Variants in TFDP2 observed in about 807,000 individuals in gnomAD.
The protein encoded by TFDP2 is transcription factor Dp-2, also known as transcription factor Dp-2 (E2F dimerization partner 2).
A neutral mutation model predicts 59.3 loss-of-function variants in TFDP2; 17 were observed. That is an observed-to-expected ratio of 0.29 (90% CI 0.20 to 0.43). TFDP2 has a LOEUF of 0.43. Among genes scored for constraint, TFDP2 ranks in the 20% least tolerant of loss-of-function variants. The pLI, the probability that TFDP2 is intolerant of heterozygous loss-of-function variation, is 1.00. For missense variants in TFDP2, 391 were observed against 528.8 expected, an observed-to-expected ratio of 0.74 and a Z score of 2.56; for synonymous variants, 180 against 194.7, an observed-to-expected ratio of 0.92 and a Z score of 0.63.
chr3:142,052,069 T>G (rs1947658275), intron 3 of TFDP2, among the ~76,000 whole-genome samples: 1 of 152,032 alleles, frequency 6.6e-6, no homozygotes, highest in Non-Finnish European at 1.5e-5. Flanking sequence ...AAGGCTTCAG[T>G]GAGCTGTGAC....
chr3:141,965,771 A>G (rs1401620139), intron 9 of TFDP2, among the ~76,000 whole-genome samples: 1 of 152,032 alleles, frequency 6.6e-6, no homozygotes, highest in Non-Finnish European at 1.5e-5. Flanking sequence ...ATCACTATCA[A>G]TAACTAGCAC....
At chr3:142,073,650 C>T (rs902730347) in intron 3 of TFDP2, among the ~76,000 whole-genome samples, 3 of 151,940 alleles carry the variant, frequency 2.0e-5, no homozygotes, top group South Asian at 2.1e-4. Flanking sequence ...TGGAAGTAGA[C>T]GTCAAGTTGA....
intron 11 of TFDP2, among the ~76,000 whole-genome samples, chr3:141,957,767 C>T (rs1272293096): frequency 6.6e-6 from 1 of 152,130 alleles, no homozygotes; most frequent in South Asian, 2.1e-4. Flanking sequence ...CTAGAATAGG[C>T]AAATCCATAG....
rs1023009060 is a variant in TFDP2, at chr3:141,968,050, G to A, written c.732+2023C>T. Reference sequence around the variant, plus strand: ...ACAGGGTTTGGGGCATGAGCTCTTAGGGGATACTGCAGATAACTGTGCAGG... The same window carrying A: ...ACAGGGTTTGGGGCATGAGCTCTTAAGGGATACTGCAGATAACTGTGCAGG... On this transcript the variant is annotated intron_variant, in intron 9 of 12. Transcript: ENST00000489671. Among the ~76,000 whole-genome samples, 8 of 151,806 alleles carry A rather than the reference G, an allele frequency of 5.3e-5. No homozygotes were observed. In the East Asian group the frequency reaches 1.4e-3, roughly 26 times the overall value.
At chr3:141,973,550 T>C (rs1333375120) in intron 8 of TFDP2, among the ~76,000 whole-genome samples, 3 of 152,228 alleles carry the variant, frequency 2.0e-5, no homozygotes, top group African/African-American at 7.2e-5. Context: ...TCCAAAATTC[T>C]ATCCATTCTG....
intron 3 of TFDP2, among the ~76,000 whole-genome samples, chr3:142,078,719 A>G (rs1204923521): frequency 6.6e-6 from 1 of 152,174 alleles, no homozygotes; most frequent in Non-Finnish European, 1.5e-5. Context: ...CAATAAATAT[A>G]TAACTCGTCA....
chr3:142,109,506 T>C (rs1335169058), intron 1 of TFDP2, among the ~76,000 whole-genome samples: 1 of 152,098 alleles, frequency 6.6e-6, no homozygotes, highest in Non-Finnish European at 1.5e-5. Context: ...TTTTGTATTT[T>C]TAGTAGAGAT....
At chr3:142,012,376 A>G (rs1275344454) in intron 3 of TFDP2, among the ~76,000 whole-genome samples, 4 of 152,200 alleles carry the variant, frequency 2.6e-5, no homozygotes, top group African/African-American at 9.7e-5. Context: ...CCTAAGTGGC[A>G]AGCTAATGTC....
chr3:141,994,874 T>A (rs1017572731), intron 5 of TFDP2, 146 bp downstream of exon 5: 16 of 600,496 alleles, frequency 2.7e-5, no homozygotes, highest in Non-Finnish European at 4.0e-5. Context: ...ATCTAAGATA[T>A]AAAGTGAAAT....
At chr3:141,978,792 T>A in intron 6 of TFDP2, 110 bp from the exon 7 acceptor site, 1 of 834,670 alleles carries the variant, frequency 1.2e-6, no homozygotes, top group Non-Finnish European at 1.7e-6. Context: ...ACTTCAAGTG[T>A]CAAAAATTTA....
intron 1 of TFDP2, among the ~76,000 whole-genome samples, chr3:142,115,774 A>G (rs1483515468): frequency 6.6e-6 from 1 of 152,224 alleles, no homozygotes; most frequent in Non-Finnish European, 1.5e-5. Context: ...TAAATGTTAC[A>G]ATAGTGCTAC....
At chr3:141,962,786 G>A (rs1391694154) in intron 10 of TFDP2, among the ~76,000 whole-genome samples, 1 of 152,214 alleles carries the variant, frequency 6.6e-6, no homozygotes, top group Non-Finnish European at 1.5e-5. Context: ...TGAAGCCCAA[G>A]GGCAATGTCA....
In TFDP2 at chr3:142,052,306, G is replaced by A. The variant is rs535360920; in HGVS notation, c.82+40755C>T. On this transcript the variant is annotated intron_variant, in intron 3 of 12. Transcript: ENST00000489671. The stretch of plus-strand genomic sequence containing the variant: ...TAATCCCAGCACTTTGGGAGGCCAA[G>A]GCGGGCAGATCACAAGGTCAGGAGA... 1.3e-3 allele frequency among the ~76,000 whole-genome samples: 191 copies of A among 152,208 alleles called. 1 individual carries two copies. The highest frequency in any genetic ancestry group is 4.3e-3 in the African/African-American group (180 of 41,548).
intron 1 of TFDP2, among the ~76,000 whole-genome samples, chr3:142,136,976 G>A (rs1201834826): frequency 1.3e-5 from 2 of 151,958 alleles, no homozygotes; most frequent in African/African-American, 4.8e-5. Context: ...AATTACTTTG[G>A]GCAATATAAC....
chr3:142,042,866 A>G (rs138693077), intron 3 of TFDP2, among the ~76,000 whole-genome samples: 302 of 148,064 alleles, frequency 2.0e-3, no homozygotes, highest in African/African-American at 7.0e-3. Context: ...CAGCCTCCCA[A>G]GTGGCTCGGA....
intron 1 of TFDP2, among the ~76,000 whole-genome samples, chr3:142,129,829 T>C (rs779735813): frequency 3.9e-5 from 6 of 151,958 alleles, no homozygotes; most frequent in Non-Finnish European, 8.8e-5. Context: ...CAAAGAAGCA[T>C]GTGAAAAGAT....
At position 142,094,188 on chromosome 3, in the gene TFDP2, T is replaced by C. The variant is rs149121902; in HGVS notation, c.16-1061A>G. 3.4e-3 allele frequency among the ~76,000 whole-genome samples: 525 copies of C among 152,330 alleles called. 2 individuals are homozygous for C. The highest frequency in any genetic ancestry group is 0.012 in the African/African-American group (499 of 41,580). On this transcript the variant is annotated intron_variant, in intron 2 of 12. Transcript: ENST00000489671. ...AAACATCCAAAAATTGGCTCTATTATTACTATCAAATACTTTTTGTAAGCA... is the reference window on the plus strand; with the variant it reads ...AAACATCCAAAAATTGGCTCTATTACTACTATCAAATACTTTTTGTAAGCA...
intron 2 of TFDP2, among the ~76,000 whole-genome samples, chr3:142,096,146 A>C (rs957782622): frequency 1.3e-5 from 2 of 152,196 alleles, no homozygotes; most frequent in African/African-American, 2.4e-5. Flanking sequence ...TACTCCAAAA[A>C]GATAAAAGTC....
At chr3:142,020,076 CTAGAAGGGGCAATTT>C (rs1353986350) in intron 3 of TFDP2, among the ~76,000 whole-genome samples, 1 of 152,178 alleles carries the variant, frequency 6.6e-6, no homozygotes, top group Non-Finnish European at 1.5e-5. Flanking sequence ...CAGGTCAATT[CTAGAAGGGGCAATTT>C]GTTTTGCAAA....
Sources: allele counts gnomAD v4.1 joint callset (sites outside exome capture counted in the v4.1 genomes callset), GRCh38; gene constraint gnomAD v4.1.1; transcripts MANE v1.5; gene names NCBI Gene and HGNC (gene_info 2026-07-23, HGNC 2026-07-21).